The following ADAM17 variants were observed in gnomAD, a reference collection of about 807,000 sequenced individuals.
The protein encoded by ADAM17 is disintegrin and metalloproteinase domain-containing protein 17.
Under a neutral mutation model 96.7 loss-of-function variants are expected in ADAM17, and 39 were observed. That is an observed-to-expected ratio of 0.40 (90% CI 0.31 to 0.53). ADAM17 has a LOEUF of 0.53. ADAM17 is among the 20% of genes least tolerant of loss of function. ADAM17 has a pLI of 0.44. For missense variants in ADAM17, 777 were observed against 1,013.2 expected (o/e 0.77, Z 3.17); for synonymous variants, 344 against 359.2 (o/e 0.96, Z 0.48).
At chr2:9,551,805 G>A (rs1420569107) in intron 1 of ADAM17, among the ~76,000 whole-genome samples, 1 of 152,138 alleles carries the variant, frequency 6.6e-6, no homozygotes, top group Non-Finnish European at 1.5e-5. Context: ...AAAAGTTTGT[G>A]TACAACGAAG....
rs140502313 is a variant in ADAM17, at chr2:9,526,099, T to G, written c.753+12A>C. ...TTTTTTTCAATTACTCGATGCAATA[T>G]CAAATACTTACTAAGTAATTTGTAG... On this transcript the variant is annotated intron_variant, in intron 6 of 18. Coordinates refer to ENST00000310823, the MANE Select transcript of ADAM17 (RefSeq NM_003183.6). 11 of 1,598,548 alleles carry G rather than the reference T, an allele frequency of 6.9e-6. No homozygotes were observed. In the African/African-American group the frequency reaches 1.3e-4, roughly 20 times the overall value.
intron 11 of ADAM17, 138 bp from the exon 12 acceptor site, chr2:9,505,503 CCA>C (rs1038680357): frequency 4.9e-6 from 4 of 812,438 alleles, no homozygotes; most frequent in Admixed American, 4.6e-5. Flanking sequence ...GGCAAGGCCA[CCA>C]CAGTCTCCTC....
At chr2:9,547,992 A>C (rs958119378) in intron 1 of ADAM17, among the ~76,000 whole-genome samples, 31 of 152,022 alleles carry the variant, frequency 2.0e-4, no homozygotes, top group African/African-American at 7.5e-4. Flanking sequence ...GCTTGAGCTC[A>C]GGAGGCAGAG....
At chr2:9,528,535 T>C (rs1664617407) in intron 4 of ADAM17, among the ~76,000 whole-genome samples, 1 of 152,194 alleles carries the variant, frequency 6.6e-6, no homozygotes, top group African/African-American at 2.4e-5. Context: ...AAATCTCCAC[T>C]TACAATGTTA....
intron 6 of ADAM17, among the ~76,000 whole-genome samples, chr2:9,525,530 A>G (rs563452641): frequency 6.6e-6 from 1 of 152,214 alleles, no homozygotes; most frequent in African/African-American, 2.4e-5. Context: ...AAAAATGTCA[A>G]TGAAAAATGA....
chr2:9,543,175 G>A lies in ADAM17; in HGVS notation c.208C>T (p.Leu70=), dbSNP rs1034011607. The A allele has an allele frequency of 3.1e-6, 5 of 1,595,300 alleles. No homozygotes were observed. The African/African-American group carries it at 5.4e-5, about 17-fold the overall frequency. The part of the protein sequence containing the change: ...LQTSTHVETL[L]TFSALKRHFK... ...TACCTTTTCAAAGCTGAAAAAGTTAGTAGTGTTTCTACATGTGTTGAAGTC... is the reference window on the plus strand; with the variant it reads ...TACCTTTTCAAAGCTGAAAAAGTTAATAGTGTTTCTACATGTGTTGAAGTC... The change falls in exon 2 of 19, where the codon CTA becomes TTA. Residue 70 remains leucine (L), a synonymous_variant. Transcript: ENST00000310823.
chr2:9,544,339 C>A (rs1665326138), intron 1 of ADAM17, among the ~76,000 whole-genome samples: 1 of 151,352 alleles, frequency 6.6e-6, no homozygotes, highest in South Asian at 2.1e-4. Context: ...TCCAGACCAG[C>A]CTGATTAACA....
At chr2:9,515,134 A>G (rs1031883411) in intron 10 of ADAM17, among the ~76,000 whole-genome samples, 1 of 152,152 alleles carries the variant, frequency 6.6e-6, no homozygotes, top group African/African-American at 2.4e-5. Context: ...AGTATCATAC[A>G]GAGTAATTAC....
chr2:9,548,335 C>A (rs1057349195), intron 1 of ADAM17, among the ~76,000 whole-genome samples: 6 of 151,768 alleles, frequency 4.0e-5, no homozygotes, highest in African/African-American at 7.3e-5. Flanking sequence ...CCATCCCCCC[C>A]AAAAAAGAAA....
At chr2:9,525,285 T>A (rs1664474656) in intron 6 of ADAM17, among the ~76,000 whole-genome samples, 1 of 133,400 alleles carries the variant, frequency 7.5e-6, no homozygotes, top group Non-Finnish European at 1.6e-5. Flanking sequence ...GGCGACACAG[T>A]GAGACTCTGT....
chr2:9,501,673 T>C (rs1429914463), intron 13 of ADAM17, among the ~76,000 whole-genome samples: 1 of 152,232 alleles, frequency 6.6e-6, no homozygotes, highest in Admixed American at 6.5e-5. Context: ...ACTATTCCAG[T>C]GCATAGATTC....
In ADAM17 at chr2:9,521,282, G is replaced by A. The variant is rs748641439; in HGVS notation, c.878C>T (p.Pro293Leu). 1 of 1,611,212 alleles carries A rather than the reference G, an allele frequency of 6.2e-7. No homozygotes were observed. Among genetic ancestry groups the A allele is most frequent in the Admixed American group, 1.7e-5 (1 of 59,944 alleles). The change falls in exon 8 of 19, where the codon CCT becomes CTT. Residue 293 changes from proline to leucine, a missense_variant. By Grantham distance (98) the Pro-to-Leu change is moderately conservative. This residue lies in a region of ADAM17 where 446 missense variants were observed against 664.7 expected (regional missense o/e 0.67). Transcript: ENST00000310823. ...RILKSPQEVK[P>L]GEKHYNMAKS... The stretch of plus-strand genomic sequence containing the variant: ...TGCCATGTTGTAGTGCTTTTCACCA[G>A]GTTTTACCTCTTGTGGAGACTTGAG...
rs755633109 is a variant in ADAM17, at chr2:9,492,895, T to TA, written c.2082+2dup. On this transcript the variant is annotated splice_region_variant and intron_variant, in intron 17 of 18. Transcript: ENST00000310823. ...TTTAATTACTTAAAAGTTGATGACT[T>TA]ACCACACAATGGACAAGAATGCTGA... is the stretch of plus-strand genomic sequence containing the variant. The TA allele has an allele frequency of 1.2e-5, 19 of 1,607,858 alleles. No individual in the cohort carries two copies. The highest frequency in any genetic ancestry group is 2.6e-6 in the Non-Finnish European group (3 of 1,176,138).
chr2:9,492,800 T>A, intron 17 of ADAM17, 98 bp downstream of exon 17: 2 of 1,047,084 alleles, frequency 1.9e-6, no homozygotes, highest in South Asian at 3.9e-5. Context: ...CAGGCCAAAC[T>A]TTGCTAAGAA....
chr2:9,530,500 GGTT>G lies in ADAM17; in HGVS notation c.451-2549_451-2547del, dbSNP rs1558518705. ...TATATTAACATTTCAAAAGAAAAGT[GGTT>G]GTTATTAATAAAAGCTAAGGCTATT... On this transcript the variant is annotated intron_variant, in intron 4 of 18. Coordinates refer to ENST00000310823, the MANE Select transcript of ADAM17 (RefSeq NM_003183.6). Among the ~76,000 whole-genome samples, 3 of 152,116 alleles carry G rather than the reference GGTT, an allele frequency of 2.0e-5. No homozygotes were observed. In the South Asian group the frequency reaches 6.2e-4, roughly 31 times the overall value.
chr2:9,493,817 A>G lies in ADAM17; in HGVS notation c.1923T>C (p.Cys641=). 1 of 1,613,776 alleles carries G rather than the reference A, an allele frequency of 6.2e-7. No homozygotes were observed. The change falls in exon 16 of 19, where the codon TGT becomes TGC. Residue 641 remains cysteine (C), a synonymous_variant. Coordinates refer to ENST00000310823, the MANE Select transcript of ADAM17 (RefSeq NM_003183.6). ...CAATTACATCCTGTACTCGTTTCTC[A>G]CATTTGCCCTATGAAGAAAAAACAT... ...TVGFCDMNGK[C]EKRVQDVIER... is the part of the protein sequence containing the mutation.
At position 9,536,654 on chromosome 2, in the gene ADAM17, T is replaced by C. The variant is rs151126540; in HGVS notation, c.361+44A>G. 579 of 1,610,312 alleles carry C rather than the reference T, an allele frequency of 3.6e-4. No homozygotes were observed. The African/African-American group carries it at 4.0e-3, about 11-fold the overall frequency. On this transcript the variant is annotated intron_variant, in intron 3 of 18. Transcript: ENST00000310823. ...TGCAATCAAGTTAGATTTGGAGACC[T>C]AATACACCAGACACAGGGGCAAACC...
chr2:9,522,144 G>A (rs1664341117), intron 7 of ADAM17: 1 of 328,150 alleles, frequency 3.0e-6, no homozygotes, highest in Non-Finnish European at 5.5e-6. Context: ...CAAACATGAT[G>A]CAGCTATTTA....
At chr2:9,531,640 T>C (rs1252881185) in intron 4 of ADAM17, among the ~76,000 whole-genome samples, 2 of 152,124 alleles carry the variant, frequency 1.3e-5, no homozygotes, top group Admixed American at 6.5e-5. Flanking sequence ...AGGCGGAGAC[T>C]GCAGTGAGCC....
Sources: allele counts gnomAD v4.1 joint callset (sites outside exome capture counted in the v4.1 genomes callset), GRCh38; gene constraint gnomAD v4.1.1; regional missense constraint gnomAD v4.1.1; transcripts MANE v1.5; gene names NCBI Gene and HGNC (gene_info 2026-07-23, HGNC 2026-07-21).